PARP9: variants seen among roughly 807,000 people sequenced by gnomAD.
PARP9 encodes the protein protein mono-ADP-ribosyltransferase PARP9.
PARP9 carries 48 observed loss-of-function variants against 68.8 expected under a neutral mutation model. The observed-to-expected ratio is 0.70, with a 90% CI of 0.55 to 0.89. The LOEUF (loss-of-function observed/expected upper bound fraction) is 0.89, where lower values mean the gene tolerates loss of function less well. Among genes scored for constraint, PARP9 ranks in the 40% least tolerant of loss-of-function variants. The pLI is 0.00. For synonymous variants in PARP9, 309 were observed against 333.8 expected (o/e 0.93, Z 0.81); for missense variants, 806 against 969.3 (o/e 0.83, Z 2.24).
intron 8 of PARP9, among the ~76,000 whole-genome samples, chr3:122,539,912 T>C (rs1454235113): frequency 6.6e-6 from 1 of 152,156 alleles, no homozygotes; most frequent in Admixed American, 6.5e-5. Flanking sequence ...TCTAGGGCTC[T>C]GTTAAAAGGA....
Position 122,536,202 on chromosome 3 carries a change from T to C in PARP9, c.2046A>G (p.Arg682=). 2 of 1,614,152 alleles carry C rather than the reference T, an allele frequency of 1.2e-6. No individual in the cohort carries two copies. Among genetic ancestry groups the C allele is most frequent in the Non-Finnish European group, 1.7e-6 (2 of 1,180,016 alleles). Residue 682 remains arginine (R), a synonymous_variant, in exon 10 of 11, where the codon AGA becomes AGG. Coordinates refer to ENST00000682323, the MANE Select transcript of PARP9 (RefSeq NM_001146105.2). ...TCGAGTACATTCTTTGAAAGCCAAC[T>C]CTGCATACCACATTGCAGAACTGGT... ...VPYQFCNVVC[R]VGFQRMYSTP... is the part of the protein sequence containing the mutation.
rs776393388 is a variant in PARP9, at chr3:122,555,329, T to C, written c.842A>G (p.Asn281Ser). 17 of 1,613,936 alleles carry C rather than the reference T, an allele frequency of 1.1e-5. No homozygotes were observed. The highest frequency in any genetic ancestry group is 1.7e-4 in the Middle Eastern group (1 of 6,056). ...TPSFNAMVVNNLTLQIVQGHI... is the reference protein window; with the variant it reads ...TPSFNAMVVNSLTLQIVQGHI... The stretch of plus-strand genomic sequence containing the variant: ...GCCCTGGACAATCTGGAGGGTCAGG[T>C]TGTTCACGACCATTGCATTGAAAGA... Residue 281 changes from asparagine (N) to serine (S), a missense_variant, in exon 4 of 11, where the codon AAC becomes AGC. Asn to Ser is a conservative substitution (Grantham distance 46, BLOSUM62 1). Transcript: ENST00000682323.
Position 122,528,542 on chromosome 3 carries a change from A to G in PARP9, c.2282T>C (p.Val761Ala), listed in dbSNP as rs759677427. ...GGTTTCAGGGCTGGAGACATTGTCAACCACACTGTCATGACCATCTATAGC... is the reference window on the plus strand; with the variant it reads ...GGTTTCAGGGCTGGAGACATTGTCAGCCACACTGTCATGACCATCTATAGC... ...PGAIDGHDSV[V>A]DNVSSPETFV... Residue 761 changes from valine (V) to alanine (A), a missense_variant, in exon 11 of 11, where the codon GTT becomes GCT. Coordinates refer to ENST00000682323, the MANE Select transcript of PARP9 (RefSeq NM_001146105.2). The G allele has an allele frequency of 6.2e-7, 1 of 1,614,174 alleles. No individual in the cohort carries two copies. Among genetic ancestry groups the G allele is most frequent in the Non-Finnish European group, 8.5e-7 (1 of 1,180,014 alleles).
intron 10 of PARP9, chr3:122,532,166 C>G: frequency 4.1e-6 from 4 of 985,458 alleles, no homozygotes; most frequent in Non-Finnish European, 4.8e-6. Context: ...GACCACTACC[C>G]AAGACCCTGC....
At chr3:122,556,266 G>A in intron 3 of PARP9, 145 bp from the exon 4 acceptor site, 1 of 598,034 alleles carries the variant, frequency 1.7e-6, no homozygotes, top group South Asian at 2.6e-5. Context: ...TGCTCTTCAT[G>A]ATTCTTCTTC....
At chr3:122,534,391 G>C (rs542456366) in intron 10 of PARP9, 192 of 985,406 alleles carry the variant, frequency 1.9e-4, no homozygotes, top group African/African-American at 1.0e-3. Flanking sequence ...GCAAAATAAA[G>C]GTTTTACAAC....
chr3:122,546,968 CTATATATA>C (rs57337681), intron 6 of PARP9, among the ~76,000 whole-genome samples: 2,619 of 69,914 alleles, frequency 0.037, 78 homozygotes, highest in African/African-American at 0.069. Flanking sequence ...ATACATGGCA[CTATATATA>C]TATATATATA....
intron 2 of PARP9, 89 bp downstream of exon 2, chr3:122,559,517 G>A (rs2080006641): frequency 7.5e-7 from 1 of 1,328,702 alleles, no homozygotes; most frequent in Non-Finnish European, 1.0e-6. Context: ...GTCAACTGTT[G>A]GTGAACACCC....
At chr3:122,563,603 C>T (rs1057121886) in intron 1 of PARP9, among the ~76,000 whole-genome samples, 1 of 152,022 alleles carries the variant, frequency 6.6e-6, no homozygotes, top group Non-Finnish European at 1.5e-5. Flanking sequence ...TAGGTAGGCT[C>T]TCCCTCCTTC....
At position 122,552,485 on chromosome 3, in the gene PARP9, T is replaced by G; in HGVS notation, c.1040A>C (p.Lys347Thr). Residue 347 changes from lysine (K) to threonine (T), a missense_variant, in exon 5 of 11, where the codon AAA (lysine) becomes ACA (threonine). Lys to Thr is a moderately conservative substitution (Grantham distance 78). Around this residue, in one of 2 missense-constraint regions of PARP9, gnomAD observed 680 missense variants for 858.8 expected, o/e 0.79. Coordinates refer to ENST00000682323, the MANE Select transcript of PARP9 (RefSeq NM_001146105.2). Reference protein sequence around the residue: ...FQRSQLVLVTKGFNLFCKYIY... With the variant: ...FQRSQLVLVTTGFNLFCKYIY... The stretch of plus-strand genomic sequence containing the variant: ...ATATTTACAGAACAAGTTAAATCCT[T>G]TTGTGACCAGTACCAACTGGGACCG... 6.2e-7 allele frequency: 1 copy of G among 1,614,128 alleles called. No individual in the cohort carries two copies. The highest frequency in any genetic ancestry group is 8.5e-7 in the Non-Finnish European group (1 of 1,180,012).
intron 1 of PARP9, among the ~76,000 whole-genome samples, chr3:122,560,673 A>G (rs1200484003): frequency 6.6e-6 from 1 of 152,210 alleles, no homozygotes; most frequent in Admixed American, 6.5e-5. Context: ...GGCGTGAGCG[A>G]CCGCGCCTGG....
chr3:122,550,565 T>G lies in PARP9; in HGVS notation c.1326+19A>C. On this transcript the variant is annotated intron_variant, in intron 6 of 10. Transcript: ENST00000682323. ...AATGAATGAATGAACAGTAGGACAT[T>G]TCTAAGATATTAACTTACCTTATAT... 1 of 1,550,964 alleles carries G rather than the reference T, an allele frequency of 6.4e-7. No individual in the cohort carries two copies. Among genetic ancestry groups the G allele is most frequent in the Non-Finnish European group, 8.9e-7 (1 of 1,126,306 alleles).
intron 6 of PARP9, among the ~76,000 whole-genome samples, chr3:122,548,697 A>C (rs991900310): frequency 2.0e-5 from 3 of 152,180 alleles, no homozygotes; most frequent in Non-Finnish European, 2.9e-5. Context: ...AGCTGAGATG[A>C]AGTGCACTCA....
chr3:122,535,650 G>A (rs2077580569), intron 10 of PARP9: 1 of 986,026 alleles, frequency 1.0e-6, no homozygotes, highest in South Asian at 4.7e-5. Flanking sequence ...GAACTCCTAT[G>A]GATGAAGAGG....
chr3:122,536,429 C>CTTA (rs1295297654), intron 9 of PARP9, 87 bp from the exon 10 acceptor site: 1 of 1,527,870 alleles, frequency 6.5e-7, no homozygotes, highest in African/African-American at 1.4e-5. Flanking sequence ...AATAAAGGAG[C>CTTA]TTATGTGCAT....
At chr3:122,534,423 A>G (rs1335038321) in intron 10 of PARP9, 11 of 985,378 alleles carry the variant, frequency 1.1e-5, no homozygotes, top group Non-Finnish European at 1.1e-5. Context: ...AGTCCTCTCT[A>G]TACCTGTTCG....
intron 5 of PARP9, among the ~76,000 whole-genome samples, chr3:122,551,138 G>A (rs762450898): frequency 1.1e-4 from 16 of 152,136 alleles, no homozygotes; most frequent in East Asian, 3.8e-4. Context: ...CCAGGTCAAC[G>A]TCAAGAGCCC....
Position 122,528,481 on chromosome 3 carries a change from C to T in PARP9, c.2343G>A (p.Gln781=), listed in dbSNP as rs774142251. ...ATTCCTGGGTGCATGTCCACAAATACTGAGGTATAGCCTGCATGCCACTAA... is the reference window on the plus strand; with the variant it reads ...ATTCCTGGGTGCATGTCCACAAATATTGAGGTATAGCCTGCATGCCACTAA... ...VIFSGMQAIP[Q]YLWTCTQEYV... is the part of the protein sequence containing the mutation. Residue 781 remains glutamine (Q), a synonymous_variant, in exon 11 of 11, where the codon CAG becomes CAA. Coordinates refer to ENST00000682323, the MANE Select transcript of PARP9 (RefSeq NM_001146105.2). The T allele has an allele frequency of 1.2e-6, 2 of 1,614,180 alleles. No individual in the cohort carries two copies. The highest frequency in any genetic ancestry group is 2.2e-5 in the South Asian group (2 of 91,086).
intron 10 of PARP9, among the ~76,000 whole-genome samples, chr3:122,530,546 A>C (rs906954891): frequency 2.0e-5 from 3 of 152,192 alleles, no homozygotes; most frequent in African/African-American, 7.2e-5. Context: ...AAAAACACTC[A>C]GGAGGCTGAG....
Sources: allele counts gnomAD v4.1 joint callset (sites outside exome capture counted in the v4.1 genomes callset), GRCh38; gene constraint gnomAD v4.1.1; regional missense constraint gnomAD v4.1.1; transcripts MANE v1.5; gene names NCBI Gene and HGNC (gene_info 2026-07-23, HGNC 2026-07-21).